CNTNAP2: variants seen among roughly 807,000 people sequenced by gnomAD.
CNTNAP2 encodes the protein contactin associated protein 2.
In CNTNAP2, 98 loss-of-function variants were observed where a neutral mutation model predicts 155.2. The observed-to-expected ratio is 0.63, with a 90% CI of 0.54 to 0.75. CNTNAP2 has a LOEUF of 0.75. CNTNAP2 is among the 30% of genes least tolerant of loss of function. CNTNAP2 has a pLI of 0.00. For synonymous variants in CNTNAP2, 651 were observed against 631.2 expected, an observed-to-expected ratio of 1.03 and a Z score of -0.47; for missense variants, 1,727 against 1,688.1, an observed-to-expected ratio of 1.02 and a Z score of -0.40.
chr7:146,981,699 A>G (rs1339652653), intron 3 of CNTNAP2, among the ~76,000 whole-genome samples: 1 of 152,246 alleles, frequency 6.6e-6, no homozygotes, highest in Non-Finnish European at 1.5e-5. Context: ...AGAAAGATCC[A>G]GAAAAGTGGA....
At chr7:146,413,820 A>AC (rs1200164770) in intron 1 of CNTNAP2, among the ~76,000 whole-genome samples, 2 of 152,142 alleles carry the variant, frequency 1.3e-5, no homozygotes, top group Non-Finnish European at 2.9e-5. Context: ...AGCACTTTTT[A>AC]CCTATATTTT....
At chr7:147,891,801 C>A (rs575827290) in intron 13 of CNTNAP2, among the ~76,000 whole-genome samples, 2 of 151,588 alleles carry the variant, frequency 1.3e-5, no homozygotes, top group Admixed American at 6.6e-5. Context: ...TCCAACATAG[C>A]CCCCCCTACC....
chr7:146,458,203 C>T (rs1796585435), intron 1 of CNTNAP2, among the ~76,000 whole-genome samples: 1 of 152,078 alleles, frequency 6.6e-6, no homozygotes, highest in Non-Finnish European at 1.5e-5. Context: ...GGCTTAATAC[C>T]TAGGTGATAG....
chr7:148,127,166 G>A (rs769193377), intron 16 of CNTNAP2, among the ~76,000 whole-genome samples: 11 of 152,060 alleles, frequency 7.2e-5, no homozygotes, highest in Non-Finnish European at 1.0e-4. Flanking sequence ...TTAGCTGGGC[G>A]TGGTGGCACA....
chr7:146,265,255 A>G (rs977456967), intron 1 of CNTNAP2, among the ~76,000 whole-genome samples: 5 of 152,150 alleles, frequency 3.3e-5, no homozygotes, highest in Non-Finnish European at 5.9e-5. Context: ...ACCATTATGT[A>G]TGGTTATTTA....
chr7:146,163,581 C>A (rs747473293), intron 1 of CNTNAP2, among the ~76,000 whole-genome samples: 2,658 of 84,882 alleles, frequency 0.031, 102 homozygotes, highest in African/African-American at 0.12. Context: ...ATCTATCTAT[C>A]TATCTATATA....
chr7:148,301,306 A>AAAATATATATAT, intron 21 of CNTNAP2, among the ~76,000 whole-genome samples: 8 of 103,850 alleles, frequency 7.7e-5, no homozygotes, highest in African/African-American at 2.6e-4. Flanking sequence ...AAAAAAAAAA[A>AAAATATATATAT]ATATATATAT....
chr7:146,887,290 G>A (rs372574425), intron 3 of CNTNAP2, among the ~76,000 whole-genome samples: 78 of 151,578 alleles, frequency 5.1e-4, no homozygotes, highest in African/African-American at 1.8e-3. Flanking sequence ...CTGGGATTAC[G>A]GGCGCCCACC....
At chr7:146,960,199 A>G (rs935446227) in intron 3 of CNTNAP2, among the ~76,000 whole-genome samples, 3 of 152,242 alleles carry the variant, frequency 2.0e-5, no homozygotes, top group Non-Finnish European at 4.4e-5. Context: ...TCTCCCTGCT[A>G]CATAACTACA....
At chr7:148,039,868 A>C (rs1467627336) in intron 15 of CNTNAP2, among the ~76,000 whole-genome samples, 1 of 152,224 alleles carries the variant, frequency 6.6e-6, no homozygotes, top group Non-Finnish European at 1.5e-5. Flanking sequence ...TTTTCCTCAC[A>C]AACCAATTCA....
chr7:147,449,126 A>G (rs181459295), intron 10 of CNTNAP2, among the ~76,000 whole-genome samples: 10 of 152,280 alleles, frequency 6.6e-5, no homozygotes, highest in Admixed American at 4.6e-4. Flanking sequence ...TGTGTAAAAC[A>G]CTCATATACC....
At chr7:147,902,635 C>T (rs1799888307) in intron 13 of CNTNAP2, among the ~76,000 whole-genome samples, 1 of 152,190 alleles carries the variant, frequency 6.6e-6, no homozygotes, top group South Asian at 2.1e-4. Context: ...TTAGCTCCCA[C>T]TTATGAGTGA....
intron 21 of CNTNAP2, among the ~76,000 whole-genome samples, chr7:148,300,944 G>T (rs1249550634): frequency 2.0e-5 from 3 of 152,082 alleles, no homozygotes; most frequent in African/African-American, 7.2e-5. Context: ...GATGGGTGGT[G>T]GTGATGGTGC....
chr7:147,793,157 T>G (rs1055586826), intron 13 of CNTNAP2, among the ~76,000 whole-genome samples: 2 of 152,142 alleles, frequency 1.3e-5, no homozygotes, highest in African/African-American at 2.4e-5. Flanking sequence ...TTATTAACAG[T>G]ATCTTTTGAC....
chr7:147,390,398 G>T (rs1053111069), intron 9 of CNTNAP2, among the ~76,000 whole-genome samples: 3 of 152,112 alleles, frequency 2.0e-5, no homozygotes, highest in Admixed American at 2.0e-4. Flanking sequence ...TTACTTTTCT[G>T]TAAGAGGCCA....
chr7:147,477,735 A>C (rs1402250583), intron 10 of CNTNAP2, among the ~76,000 whole-genome samples: 1 of 152,170 alleles, frequency 6.6e-6, no homozygotes, highest in Non-Finnish European at 1.5e-5. Flanking sequence ...AAGTTCAAAA[A>C]TCCCTTGAAC....
intron 3 of CNTNAP2, among the ~76,000 whole-genome samples, chr7:146,864,246 G>A (rs1164217119): frequency 6.6e-6 from 1 of 151,886 alleles, no homozygotes; most frequent in Non-Finnish European, 1.5e-5. Context: ...TTTATATAAA[G>A]ACAATACCTT....
intron 1 of CNTNAP2, among the ~76,000 whole-genome samples, chr7:146,155,753 G>A (rs941433125): frequency 1.3e-5 from 2 of 151,588 alleles, no homozygotes; most frequent in Admixed American, 1.3e-4. Context: ...AGGCTGAAGT[G>A]CAATGGCGGG....
rs149372769 is a variant in CNTNAP2 at position 146,127,994 on chromosome 7, C to T, written c.97+11021C>T. On this transcript the variant is annotated intron_variant, in intron 1 of 23. Transcript: ENST00000361727. ...TTCTATTTGTTTATATTTTAAACTC[C>T]GTCTTCATCCTTACCTTTGCAACTT... Among the ~76,000 whole-genome samples the T allele has an allele frequency of 5.1e-3, 781 of 152,096 alleles. 5 individuals are homozygous for T. Among genetic ancestry groups the T allele is most frequent in the African/African-American group, 0.018 (735 of 41,510 alleles).
Sources: allele counts gnomAD v4.1 joint callset (sites outside exome capture counted in the v4.1 genomes callset), GRCh38; gene constraint gnomAD v4.1.1; transcripts MANE v1.5; gene names NCBI Gene and HGNC (gene_info 2026-07-23, HGNC 2026-07-21).